ABLIM2: variants seen among roughly 807,000 people sequenced by gnomAD.
ABLIM2 encodes the protein actin binding LIM protein family member 2, also known as actin-binding LIM protein 2.
In ABLIM2, 53 loss-of-function variants were observed where a neutral mutation model predicts 97.7. The ratio of observed to expected loss-of-function variants is 0.54; its 90% CI spans 0.44 to 0.68. The LOEUF (loss-of-function observed/expected upper bound fraction) is 0.68, where lower values mean the gene tolerates loss of function less well. ABLIM2 is among the 30% of genes least tolerant of loss of function. The probability of loss-of-function intolerance (pLI) is 0.00; values close to 1 mark genes in which losing one functional copy is unlikely to be tolerated. For missense variants in ABLIM2, 835 were observed against 867.2 expected, an observed-to-expected ratio of 0.96 and a Z score of 0.47; for synonymous variants, 361 against 345.8, an observed-to-expected ratio of 1.04 and a Z score of -0.49.
rs531358817 is a variant in ABLIM2, at chr4:8,044,641, G to GACACACACACACACACAC, written c.900+505_900+522dup. ...ATTATGGAAGCGTGTGAGGCGCACA[G>GACACACACACACACACAC]ACACACACACACACACACACACACA... On this transcript the variant is annotated intron_variant, in intron 9 of 20. Transcript: ENST00000447017. The surrounding 1 kb of genome is among the most constrained non-coding windows in gnomAD (Gnocchi z 4.4). Among the ~76,000 whole-genome samples, 39 of 124,226 alleles carry GACACACACACACACACAC rather than the reference G, an allele frequency of 3.1e-4. No individual in the cohort carries two copies. Among genetic ancestry groups the GACACACACACACACACAC allele is most frequent in the African/African-American group, 9.1e-4 (34 of 37,326 alleles). 81.5% of individuals were successfully genotyped at this position (124,226 alleles called of 152,430 possible). A position where few individuals can be genotyped will look rare whatever the true frequency, so the allele number is the denominator to read the frequency against.
intron 12 of ABLIM2, among the ~76,000 whole-genome samples, 162 bp downstream of exon 12, chr4:8,027,597 A>G (rs1199490017): frequency 6.6e-6 from 1 of 152,156 alleles, no homozygotes; most frequent in Non-Finnish European, 1.5e-5. Context: ...ACATTTGCTC[A>G]TGGACACACG....
At chr4:8,050,760 G>C (rs1401136415) in intron 8 of ABLIM2, among the ~76,000 whole-genome samples, 1 of 152,232 alleles carries the variant, frequency 6.6e-6, no homozygotes, top group Non-Finnish European at 1.5e-5. Flanking sequence ...AGCTCCAAGG[G>C]GACCGAGATG....
chr4:8,046,341 C>G lies in ABLIM2; in HGVS notation c.823-1100G>C, dbSNP rs1354664708. On this transcript the variant is annotated intron_variant, in intron 8 of 20. Coordinates refer to ENST00000447017, the MANE Select transcript of ABLIM2 (RefSeq NM_001130083.2). The surrounding 1 kb of genome is among the most constrained non-coding windows in gnomAD (Gnocchi z 4.4). ...TGCAGGGCAGGGGCCTCTCCTGGTT[C>G]AGCTCTCACTGGAGCTGCACACCCC... Among the ~76,000 whole-genome samples the G allele has an allele frequency of 6.6e-6, 1 of 152,098 alleles. No homozygotes were observed. The highest frequency in any genetic ancestry group is 1.5e-5 in the Non-Finnish European group (1 of 68,020).
Position 8,123,310 on chromosome 4 carries a change from G to A in ABLIM2, c.11-16673C>T, listed in dbSNP as rs1280792844. 6.6e-6 allele frequency among the ~76,000 whole-genome samples: 1 copy of A among 152,168 alleles called. No individual in the cohort carries two copies. Among genetic ancestry groups the A allele is most frequent in the Non-Finnish European group, 1.5e-5 (1 of 68,034 alleles). ...GCATGAGAGGCGTTGTCACCCTCAG[G>A]CTGCAGGCAAGGGAACCCCATCTCA... On this transcript the variant is annotated intron_variant, in intron 1 of 20. Transcript: ENST00000447017. This position sits in a 1 kb window ranked among gnomAD's most constrained non-coding sequence, Gnocchi z 6.2.
intron 3 of ABLIM2, among the ~76,000 whole-genome samples, chr4:8,090,650 T>C (rs568738744): frequency 6.6e-6 from 1 of 152,248 alleles, no homozygotes; most frequent in Admixed American, 6.5e-5. Flanking sequence ...TGATCATCAT[T>C]GTCACCATGG....
intron 1 of ABLIM2, among the ~76,000 whole-genome samples, chr4:8,156,696 T>C (rs1020286491): frequency 6.6e-6 from 1 of 152,222 alleles, no homozygotes; most frequent in Admixed American, 6.5e-5. Flanking sequence ...AGTGCTGAGC[T>C]CTGGAATAAT....
chr4:8,081,769 C>T (rs530710833), intron 4 of ABLIM2, among the ~76,000 whole-genome samples: 1 of 152,210 alleles, frequency 6.6e-6, no homozygotes, highest in African/African-American at 2.4e-5. Flanking sequence ...GACAGCATCC[C>T]CAAGGGAAAG....
rs911663618 is a variant in ABLIM2 at position 8,002,339 on chromosome 4, C to T, written c.1618+5720G>A. Among the ~76,000 whole-genome samples the T allele has an allele frequency of 5.9e-5, 9 of 152,172 alleles. No individual in the cohort carries two copies. The highest frequency in any genetic ancestry group is 2.1e-4 in the South Asian group (1 of 4,828). On this transcript the variant is annotated intron_variant, in intron 16 of 20. Coordinates refer to ENST00000447017, the MANE Select transcript of ABLIM2 (RefSeq NM_001130083.2). The surrounding 1 kb of genome is among the most constrained non-coding windows in gnomAD (Gnocchi z 6.1). ...GCCAACCCAGTGTCTTCTTTGATTCCGTCACCCCCGCAGCCAGTGGTTCCT... is the reference window on the plus strand; with the variant it reads ...GCCAACCCAGTGTCTTCTTTGATTCTGTCACCCCCGCAGCCAGTGGTTCCT...
chr4:7,992,994 G>T lies in ABLIM2; in HGVS notation c.1619-67C>A. ...GGTGCAGCAATGGGGGTGCAGCCCT[G>T]GGGGGGCTTCCCACCGGGGTGGGCA... is the stretch of plus-strand genomic sequence containing the variant. On this transcript the variant is annotated intron_variant, in intron 16 of 20. Transcript: ENST00000447017. This position sits in a 1 kb window ranked among gnomAD's most constrained non-coding sequence, Gnocchi z 5.7. 2.6e-6 allele frequency: 4 copies of T among 1,547,798 alleles called. No homozygotes were observed. Among genetic ancestry groups the T allele is most frequent in the Non-Finnish European group, 3.5e-6 (4 of 1,130,038 alleles).
At chr4:8,017,411 C>T (rs962282957) in intron 14 of ABLIM2, among the ~76,000 whole-genome samples, 7 of 152,034 alleles carry the variant, frequency 4.6e-5, no homozygotes, top group South Asian at 2.1e-4. Flanking sequence ...CTCAGCCTCC[C>T]GAGTAGCTGG....
In ABLIM2 at chr4:8,151,872, C is replaced by T. The variant is rs1440890874; in HGVS notation, c.10+6808G>A. Among the ~76,000 whole-genome samples the T allele has an allele frequency of 7.6e-5, 11 of 145,324 alleles. No individual in the cohort carries two copies. In the Middle Eastern group the frequency reaches 0.017, roughly 226 times the overall value. ...GGACTTGGGGTGGGGGTGGGGGAGT[C>T]GGAGCAGAGGGTCAGGGTTCCAGGG... On this transcript the variant is annotated intron_variant, in intron 1 of 20. Coordinates refer to ENST00000447017, the MANE Select transcript of ABLIM2 (RefSeq NM_001130083.2).
In ABLIM2 at chr4:8,123,247, T is replaced by C. The variant is rs1301793943; in HGVS notation, c.11-16610A>G. On this transcript the variant is annotated intron_variant, in intron 1 of 20. Transcript: ENST00000447017. The surrounding 1 kb of genome is among the most constrained non-coding windows in gnomAD (Gnocchi z 6.2). ...TGCCTGGCCCTCCCCTGTGCAGGCA[T>C]GGTGTGGGCACAACAGCACCAGCCC... 6.6e-6 allele frequency among the ~76,000 whole-genome samples: 1 copy of C among 152,050 alleles called. No homozygotes were observed.
intron 2 of ABLIM2, among the ~76,000 whole-genome samples, chr4:8,098,543 C>G (rs1054238349): frequency 2.3e-4 from 35 of 152,196 alleles, no homozygotes; most frequent in African/African-American, 8.2e-4. Context: ...GCTGGAACGC[C>G]TACATTCCAG....
rs1290067401 is a variant in ABLIM2, at chr4:8,019,290, G to A, written c.1423+328C>T. Among the ~76,000 whole-genome samples the A allele has an allele frequency of 6.6e-6, 1 of 152,130 alleles. No homozygotes were observed. Among genetic ancestry groups the A allele is most frequent in the Non-Finnish European group, 1.5e-5 (1 of 68,026 alleles). ...GGAGCCTCTGTCCCTCACCATCTTG[G>A]CTAAAGTCTCTCTGGCTGCATAATT... is the stretch of plus-strand genomic sequence containing the variant. On this transcript the variant is annotated intron_variant, in intron 14 of 20. Coordinates refer to ENST00000447017, the MANE Select transcript of ABLIM2 (RefSeq NM_001130083.2). The surrounding 1 kb of genome is among the most constrained non-coding windows in gnomAD (Gnocchi z 4.3).
In ABLIM2 at chr4:8,150,533, C is replaced by T. The variant is rs923110781; in HGVS notation, c.10+8147G>A. ...GCTGGCTGGACTCACATTTCCAGATCGTCTCTCTAACTCGTCTCTCTAAGC... is the reference window on the plus strand; with the variant it reads ...GCTGGCTGGACTCACATTTCCAGATTGTCTCTCTAACTCGTCTCTCTAAGC... On this transcript the variant is annotated intron_variant, in intron 1 of 20. Coordinates refer to ENST00000447017, the MANE Select transcript of ABLIM2 (RefSeq NM_001130083.2). The surrounding 1 kb of genome is among the most constrained non-coding windows in gnomAD (Gnocchi z 6.3). Among the ~76,000 whole-genome samples the T allele has an allele frequency of 5.9e-5, 9 of 152,226 alleles. No homozygotes were observed. The highest frequency in any genetic ancestry group is 2.2e-4 in the African/African-American group (9 of 41,458).
rs561234782 is a variant in ABLIM2 at position 8,017,495 on chromosome 4, C to T, written c.1423+2123G>A. 7.1e-4 allele frequency among the ~76,000 whole-genome samples: 108 copies of T among 151,900 alleles called. 1 individual carries two copies. The highest frequency in any genetic ancestry group is 2.6e-3 in the African/African-American group (107 of 41,406). On this transcript the variant is annotated intron_variant, in intron 14 of 20. Coordinates refer to ENST00000447017, the MANE Select transcript of ABLIM2 (RefSeq NM_001130083.2). ...TAGAGATGGGGTTTCACTGTGTTGC[C>T]CAGGCTGGTCTCGAACTCCTGAGCT...
Position 7,996,654 on chromosome 4 carries a change from C to T in ABLIM2, c.1619-3727G>A, listed in dbSNP as rs1196956500. On this transcript the variant is annotated intron_variant, in intron 16 of 20. Coordinates refer to ENST00000447017, the MANE Select transcript of ABLIM2 (RefSeq NM_001130083.2). This position sits in a 1 kb window ranked among gnomAD's most constrained non-coding sequence, Gnocchi z 4.5. Reference sequence around the variant, plus strand: ...TGTTTTGTCCCCGGTTTTACCTATTCCGACGTTCTTCTTTCCTTTCTGAAG... The same window carrying T: ...TGTTTTGTCCCCGGTTTTACCTATTTCGACGTTCTTCTTTCCTTTCTGAAG... 6.6e-6 allele frequency among the ~76,000 whole-genome samples: 1 copy of T among 152,210 alleles called. No individual in the cohort carries two copies. Among genetic ancestry groups the T allele is most frequent in the African/African-American group, 2.4e-5 (1 of 41,464 alleles).
At chr4:8,070,133 C>A (rs1810916316) in intron 6 of ABLIM2, among the ~76,000 whole-genome samples, 1 of 151,158 alleles carries the variant, frequency 6.6e-6, no homozygotes, top group African/African-American at 2.4e-5. Flanking sequence ...TGTCTACAAT[C>A]TGTGTCTGTG....
rs1561559669 is a variant in ABLIM2 at position 8,123,105 on chromosome 4, C to A, written c.11-16468G>T. 6.6e-6 allele frequency among the ~76,000 whole-genome samples: 1 copy of A among 152,226 alleles called. No homozygotes were observed. The highest frequency in any genetic ancestry group is 1.5e-5 in the Non-Finnish European group (1 of 68,034). On this transcript the variant is annotated intron_variant, in intron 1 of 20. Coordinates refer to ENST00000447017, the MANE Select transcript of ABLIM2 (RefSeq NM_001130083.2). This position sits in a 1 kb window ranked among gnomAD's most constrained non-coding sequence, Gnocchi z 6.2. ...ATGCCCTCAAAGCCCAGCACTGTGT[C>A]CCAGCACTGCTGGAGGAAGACCTCT...
Sources: gnomAD v4.1 joint callset for allele counts (sites outside exome capture counted in the v4.1 genomes callset) on GRCh38, gnomAD v4.1.1 for gene constraint, Gnocchi (gnomAD v3.1) non-coding constraint, MANE v1.5 for transcripts, NCBI Gene and HGNC (gene_info 2026-07-23, HGNC 2026-07-21) for gene names.